The following CDC42 variants were observed in gnomAD, a reference collection of about 807,000 sequenced individuals.
The protein encoded by CDC42 is cell division cycle 42, also known as cell division control protein 42 homolog.
A neutral mutation model predicts 20.8 loss-of-function variants in CDC42; 1 was observed. The observed-to-expected ratio is 0.05, with a 90% CI of 0.02 to 0.23. The LOEUF (loss-of-function observed/expected upper bound fraction) is 0.23. Among genes scored for constraint, CDC42 ranks in the 10% least tolerant of loss-of-function variants. CDC42 has a pLI of 1.00. For synonymous variants in CDC42, 72 were observed against 84.8 expected, an observed-to-expected ratio of 0.85 and a Z score of 0.83; for missense variants, 49 against 227.9, an observed-to-expected ratio of 0.21 and a Z score of 5.05.
chr1:22,061,046 A>G (rs1004613115), intron 1 of CDC42, among the ~76,000 whole-genome samples: 2 of 152,224 alleles, frequency 1.3e-5, no homozygotes, highest in African/African-American at 4.8e-5. Flanking sequence ...TTTTAGAGTA[A>G]GGCCTGTGTG....
chr1:22,053,897 T>C (rs1283492858), intron 1 of CDC42, among the ~76,000 whole-genome samples: 2 of 152,220 alleles, frequency 1.3e-5, no homozygotes, highest in South Asian at 4.1e-4. Context: ...CCACGGCCCC[T>C]TGCGTGGCAT....
At chr1:22,075,934 A>G (rs1039809460) in intron 1 of CDC42, among the ~76,000 whole-genome samples, 1 of 152,216 alleles carries the variant, frequency 6.6e-6, no homozygotes, top group Non-Finnish European at 1.5e-5. Flanking sequence ...GGGGAAGAAC[A>G]AACTCTTATC....
intron 3 of CDC42, among the ~76,000 whole-genome samples, chr1:22,085,972 A>G (rs1645657938): frequency 6.6e-6 from 1 of 152,100 alleles, no homozygotes; most frequent in South Asian, 2.1e-4. Context: ...CAGCCTTCCA[A>G]GTAGCTGGGA....
At chr1:22,077,359 G>T (rs1023204292) in intron 1 of CDC42, among the ~76,000 whole-genome samples, 7 of 152,068 alleles carry the variant, frequency 4.6e-5, no homozygotes, top group African/African-American at 1.7e-4. Flanking sequence ...TCATTTACAG[G>T]GATGTTAATA....
At chr1:22,077,619 G>A (rs750581029) in intron 1 of CDC42, among the ~76,000 whole-genome samples, 1 of 152,124 alleles carries the variant, frequency 6.6e-6, no homozygotes, top group Admixed American at 6.5e-5. Context: ...AAGTCAAAAT[G>A]TGGGGGAAAA....
At chr1:22,079,445 C>CAA (rs1179792688) in intron 2 of CDC42, among the ~76,000 whole-genome samples, 1 of 151,954 alleles carries the variant, frequency 6.6e-6, no homozygotes, top group Non-Finnish European at 1.5e-5. Context: ...GGCCCCATAA[C>CAA]TGTTTTTTAA....
chr1:22,084,149 C>T (rs748587447), intron 3 of CDC42, among the ~76,000 whole-genome samples: 1 of 152,088 alleles, frequency 6.6e-6, no homozygotes, highest in Non-Finnish European at 1.5e-5. Flanking sequence ...ATACAGATAC[C>T]TTGTTGACAC....
At chr1:22,057,721 TTTTTTTTTTC>T (rs1157373011) in intron 1 of CDC42, among the ~76,000 whole-genome samples, 10 of 147,720 alleles carry the variant, frequency 6.8e-5, no homozygotes, top group African/African-American at 2.5e-4. Flanking sequence ...TTGCTTTACC[TTTTTTTTTTC>T]TTTTTTTTTT....
chr1:22,063,094 C>T (rs1309120000), intron 1 of CDC42, among the ~76,000 whole-genome samples: 1 of 152,068 alleles, frequency 6.6e-6, no homozygotes, highest in South Asian at 2.1e-4. Flanking sequence ...ATGACTTGGA[C>T]TCATAGTTTT....
At chr1:22,083,992 C>A (rs533531768) in intron 3 of CDC42, among the ~76,000 whole-genome samples, 60 of 152,180 alleles carry the variant, frequency 3.9e-4, no homozygotes, top group African/African-American at 1.4e-3. Context: ...CTTTTGATTG[C>A]CGAGTGTTAT....
At chr1:22,057,603 C>T (rs1645316957) in intron 1 of CDC42, among the ~76,000 whole-genome samples, 2 of 151,468 alleles carry the variant, frequency 1.3e-5, no homozygotes, top group Admixed American at 1.3e-4. Flanking sequence ...AGGCTGGTCT[C>T]CAACTCCTGA....
intron 1 of CDC42, among the ~76,000 whole-genome samples, chr1:22,060,502 G>A (rs1421474053): frequency 6.6e-6 from 1 of 152,124 alleles, no homozygotes; most frequent in Non-Finnish European, 1.5e-5. Context: ...GAGAAAAGAG[G>A]ATAAATTTAG....
chr1:22,066,707 T>A (rs1243542814), intron 1 of CDC42, among the ~76,000 whole-genome samples: 1 of 151,850 alleles, frequency 6.6e-6, no homozygotes, highest in Non-Finnish European at 1.5e-5. Flanking sequence ...TGATTCGAGC[T>A]GAGATCTGGA....
Position 22,098,838 on chromosome 1 carries a change from A to T in CDC42, c.*7321A>T, listed in dbSNP as rs112043704. On this transcript the variant is annotated 3_prime_UTR_variant, in exon 6 of 6. Coordinates refer to ENST00000656825, the MANE Select transcript of CDC42 (RefSeq NM_001791.4). ...CAGTGTCGTGGTCTTGGGTCACTGC[A>T]TCCTTGACCTCCCCAGCTCAAGCGA... 1.6e-4 allele frequency among the ~76,000 whole-genome samples: 25 copies of T among 152,236 alleles called. No homozygotes were observed. Among genetic ancestry groups the T allele is most frequent in the Non-Finnish European group, 3.1e-4 (21 of 68,004 alleles).
rs1401746062 is a variant in CDC42 at position 22,086,753 on chromosome 1, A to G, written c.373A>G (p.Thr125Ala). Residue 125 changes from threonine (T) to alanine (A), a missense_variant, in exon 5 of 6, where the codon ACT (threonine) becomes GCT (alanine). By Grantham distance (58) the Thr-to-Ala change is moderately conservative. Around this residue, in one of 2 missense-constraint regions of CDC42, gnomAD observed 38 missense variants for 106.6 expected, o/e 0.36. Transcript: ENST00000656825. ...TQIDLRDDPS[T>A]IEKLAKNKQK... ...AATTGATCTCAGAGATGACCCCTCT[A>G]CTATTGAGAAACTTGCCAAGAACAA... 12 of 1,613,956 alleles carry G rather than the reference A, an allele frequency of 7.4e-6. No homozygotes were observed. Among genetic ancestry groups the G allele is most frequent in the Non-Finnish European group, 1.0e-5 (12 of 1,179,896 alleles).
intron 2 of CDC42, among the ~76,000 whole-genome samples, chr1:22,080,844 A>G (rs2124014564): frequency 6.6e-6 from 1 of 152,326 alleles, no homozygotes; most frequent in South Asian, 2.1e-4. Context: ...TAGATCATGC[A>G]GTTTGTGCCC....
At chr1:22,057,278 A>G (rs1348613289) in intron 1 of CDC42, among the ~76,000 whole-genome samples, 1 of 152,214 alleles carries the variant, frequency 6.6e-6, no homozygotes, top group Non-Finnish European at 1.5e-5. Context: ...CTCTTGGCAC[A>G]ACTGTGAGGA....
At chr1:22,090,355 T>G in intron 5 of CDC42, 10 of 1,054,600 alleles carry the variant, frequency 9.5e-6, no homozygotes, top group Admixed American at 4.9e-5. Context: ...AACAAGAGTT[T>G]TAACACTTCT....
chr1:22,078,731 T>C (rs775310169), intron 2 of CDC42, 148 bp downstream of exon 2: 2 of 1,503,644 alleles, frequency 1.3e-6, no homozygotes, highest in Non-Finnish European at 1.8e-6. Context: ...GGGTAAATTA[T>C]ATACACTTTA....
Sources: gnomAD v4.1 joint callset for allele counts (sites outside exome capture counted in the v4.1 genomes callset) on GRCh38, gnomAD v4.1.1 for gene constraint, gnomAD v4.1.1 regional missense constraint, MANE v1.5 for transcripts, NCBI Gene and HGNC (gene_info 2026-07-23, HGNC 2026-07-21) for gene names.